Variants in PMS1 observed in about 807,000 individuals in gnomAD.
PMS1 encodes the protein PMS1 homolog 1, mismatch repair system component.
PMS1 carries 79 observed loss-of-function variants against 93.1 expected under a neutral mutation model. The observed-to-expected ratio is 0.85, with a 90% CI of 0.71 to 1.02. PMS1 has a LOEUF of 1.02. PMS1 is among the 50% of genes least tolerant of loss of function. The pLI is 0.00. For synonymous variants in PMS1, 335 were observed against 363.4 expected (o/e 0.92, Z 0.89); for missense variants, 1,064 against 1,085.3 (o/e 0.98, Z 0.28).
chr2:189,817,210 C>A (rs1388747429), intron 4 of PMS1, among the ~76,000 whole-genome samples: 1 of 152,140 alleles, frequency 6.6e-6, no homozygotes, highest in African/African-American at 2.4e-5. Context: ...GGTTGAGAAG[C>A]ACTACACTAT....
rs577722393 is a variant in PMS1 at position 189,837,321 on chromosome 2, G to T, written c.583-6643G>T. The stretch of plus-strand genomic sequence containing the variant: ...TTTATTTTTTTTTTATAGAAACAGG[G>T]TCACACTATGTTGCCCAGTCTGGTA... On this transcript the variant is annotated intron_variant, in intron 5 of 12. Transcript: ENST00000441310. Among the ~76,000 whole-genome samples the T allele has an allele frequency of 2.4e-4, 36 of 151,876 alleles. No individual in the cohort carries two copies. The South Asian group carries it at 5.8e-3, about 25-fold the overall frequency.
At chr2:189,788,858 T>C (rs906389964) in intron 1 of PMS1, among the ~76,000 whole-genome samples, 3 of 152,228 alleles carry the variant, frequency 2.0e-5, no homozygotes, top group Admixed American at 1.3e-4. Context: ...GGCTACCATA[T>C]TGGACAGTGC....
intron 12 of PMS1, among the ~76,000 whole-genome samples, chr2:189,874,233 G>T (rs1424172603): frequency 6.6e-6 from 1 of 152,108 alleles, no homozygotes; most frequent in African/African-American, 2.4e-5. Context: ...ATATTTTGCA[G>T]TGAAGTTCTT....
chr2:189,804,629 G>C (rs2050177826), intron 3 of PMS1, among the ~76,000 whole-genome samples: 2 of 152,248 alleles, frequency 1.3e-5, no homozygotes, highest in South Asian at 2.1e-4. Context: ...CAGAGCTGTA[G>C]GCCCTACAGT....
intron 4 of PMS1, among the ~76,000 whole-genome samples, chr2:189,814,318 A>G (rs2051087968): frequency 6.7e-6 from 1 of 149,006 alleles, no homozygotes; most frequent in Non-Finnish European, 1.5e-5. Flanking sequence ...CCCCCCCCCA[A>G]AAAAAAATCA....
In PMS1 at chr2:189,843,984, C is replaced by T. The variant is rs141178436; in HGVS notation, c.603C>T (p.Ser201=). ...CCTAGGCAGTTATTTGGCAGAAAAG[C>T]AGAGTATCAGATCACAAGATGGCTC... ...VHNKAVIWQK[S]RVSDHKMALM... is the part of the protein sequence containing the mutation. The change falls in exon 6 of 13, where the codon AGC becomes AGT. Residue 201 remains serine, a synonymous_variant. Coordinates refer to ENST00000441310, the MANE Select transcript of PMS1 (RefSeq NM_000534.5). 2.5e-6 allele frequency: 4 copies of T among 1,613,770 alleles called. No homozygotes were observed. The highest frequency in any genetic ancestry group is 2.7e-5 in the African/African-American group (2 of 74,900).
chr2:189,861,645 A>T (rs1318610130), intron 9 of PMS1, among the ~76,000 whole-genome samples: 1 of 151,476 alleles, frequency 6.6e-6, no homozygotes, highest in Non-Finnish European at 1.5e-5. Context: ...GCTACTCTGG[A>T]GGCTGAGGCA....
chr2:189,864,237 A>G lies in PMS1; in HGVS notation c.2342+9A>G. 6.4e-7 allele frequency: 1 copy of G among 1,566,730 alleles called. No homozygotes were observed. Among genetic ancestry groups the G allele is most frequent in the Middle Eastern group, 1.7e-4 (1 of 5,950 alleles). On this transcript the variant is annotated intron_variant, in intron 10 of 12. Coordinates refer to ENST00000441310, the MANE Select transcript of PMS1 (RefSeq NM_000534.5). ...ATTATGTTAACAGAGAGGTATGATG[A>G]TACAATACTTTTTAAGAGTAAAAAT...
chr2:189,801,495 ATTTTTC>A (rs1188943448), intron 3 of PMS1, among the ~76,000 whole-genome samples: 2 of 152,304 alleles, frequency 1.3e-5, no homozygotes, highest in African/African-American at 4.8e-5. Flanking sequence ...AACACAAAAT[ATTTTTC>A]TTTTTAGGTT....
chr2:189,864,079 G>T lies in PMS1; in HGVS notation c.2193G>T (p.Arg731Ser). 1.2e-6 allele frequency: 2 copies of T among 1,613,612 alleles called. No homozygotes were observed. The highest frequency in any genetic ancestry group is 2.2e-5 in the East Asian group (1 of 44,844). The change falls in exon 10 of 13, where the codon AGG becomes AGT. Residue 731 changes from arginine to serine, a missense_variant. Coordinates refer to ENST00000441310, the MANE Select transcript of PMS1 (RefSeq NM_000534.5). ...KDEPCLIHNL[R>S]FPDAWLMTSK... ...AACCTTGCTTGATCCACAATCTCAG[G>T]TTTCCTGATGCATGGCTAATGACAT... is the stretch of plus-strand genomic sequence containing the variant.
intron 3 of PMS1, among the ~76,000 whole-genome samples, chr2:189,801,123 G>A (rs1329475521): frequency 2.0e-5 from 3 of 152,290 alleles, no homozygotes; most frequent in East Asian, 3.9e-4. Context: ...TCAGCCACCC[G>A]AATTGCTGGC....
At chr2:189,861,789 T>C (rs963323729) in intron 9 of PMS1, among the ~76,000 whole-genome samples, 1 of 152,062 alleles carries the variant, frequency 6.6e-6, no homozygotes, top group Non-Finnish European at 1.5e-5. Flanking sequence ...GGCTCTGCAT[T>C]GCTCTTTACA....
chr2:189,823,285 T>G (rs2052112256), intron 5 of PMS1, among the ~76,000 whole-genome samples: 1 of 152,172 alleles, frequency 6.6e-6, no homozygotes, highest in South Asian at 2.1e-4. Context: ...TTATTTTTAT[T>G]ATTGTACTTT....
intron 4 of PMS1, chr2:189,805,963 G>C: frequency 6.8e-7 from 1 of 1,463,556 alleles, no homozygotes; most frequent in Non-Finnish European, 9.0e-7. Context: ...AACTGTATGA[G>C]AGACTGGACA....
intron 7 of PMS1, 50 bp downstream of exon 7, chr2:189,852,827 T>C (rs1448135910): frequency 1.6e-6 from 2 of 1,225,454 alleles, no homozygotes; most frequent in East Asian, 2.3e-5. Flanking sequence ...ATTTGTCACA[T>C]TGTAACAAGG....
At chr2:189,823,797 A>T (rs1000938075) in intron 5 of PMS1, among the ~76,000 whole-genome samples, 3 of 152,062 alleles carry the variant, frequency 2.0e-5, no homozygotes, top group Non-Finnish European at 4.4e-5. Flanking sequence ...CATAAAATTT[A>T]ATCTTTTTGT....
intron 3 of PMS1, 70 bp downstream of exon 3, chr2:189,796,021 T>A: frequency 9.3e-7 from 1 of 1,069,538 alleles, no homozygotes; most frequent in Non-Finnish European, 1.5e-6. Context: ...ACTAACCCAG[T>A]ATTTGGTGAA....
Position 189,877,408 on chromosome 2 carries a change from A to G in PMS1, c.2771A>G (p.His924Arg), listed in dbSNP as rs1424328020. ...GTTCATGGTCGCCCATTTTTTCATC[A>G]TTTAACCTATCTTCCAGAAACTACA... Reference protein sequence around the residue: ...ECVHGRPFFHHLTYLPETT With the variant: ...ECVHGRPFFHRLTYLPETT The change falls in exon 13 of 13, where the codon CAT (histidine) becomes CGT (arginine). Residue 924 changes from histidine (H) to arginine (R), a missense_variant. Coordinates refer to ENST00000441310, the MANE Select transcript of PMS1 (RefSeq NM_000534.5). 6.2e-7 allele frequency: 1 copy of G among 1,612,590 alleles called. No homozygotes were observed. The highest frequency in any genetic ancestry group is 8.5e-7 in the Non-Finnish European group (1 of 1,178,680).
chr2:189,832,613 G>A (rs5743077), intron 5 of PMS1, among the ~76,000 whole-genome samples: 1 of 151,932 alleles, frequency 6.6e-6, no homozygotes, highest in Non-Finnish European at 1.5e-5. Flanking sequence ...CTACAGGCGC[G>A]TGCCACCATG....
Sources: gnomAD v4.1 joint callset for allele counts (sites outside exome capture counted in the v4.1 genomes callset) on GRCh38, gnomAD v4.1.1 for gene constraint, MANE v1.5 for transcripts, NCBI Gene and HGNC (gene_info 2026-07-23, HGNC 2026-07-21) for gene names.